NCKAP5: variants seen among roughly 807,000 people sequenced by gnomAD.
NCKAP5 encodes nck-associated protein 5.
In NCKAP5, 92 loss-of-function variants were observed where a neutral mutation model predicts 167.0. The ratio of observed to expected loss-of-function variants is 0.55; its 90% confidence interval spans 0.47 to 0.66. NCKAP5 has a LOEUF of 0.66. Among genes scored for constraint, NCKAP5 ranks in the 30% least tolerant of loss-of-function variants. The pLI is 0.00. For synonymous variants in NCKAP5, 891 were observed against 877.4 expected (o/e 1.02, Z -0.27); for missense variants, 2,378 against 2,315.0 (o/e 1.03, Z -0.56).
At chr2:133,068,599 C>A (rs568622163) in intron 6 of NCKAP5, among the ~76,000 whole-genome samples, 4 of 152,242 alleles carry the variant, frequency 2.6e-5, no homozygotes, top group African/African-American at 9.6e-5. Context: ...AGGGACTCGA[C>A]CTCTGGGTCT....
intron 5 of NCKAP5, among the ~76,000 whole-genome samples, chr2:133,136,294 C>CATTA (rs1431135744): frequency 6.6e-6 from 1 of 152,116 alleles, no homozygotes; most frequent in Non-Finnish European, 1.5e-5. Context: ...TGGTGATTCT[C>CATTA]ATTATATCAG....
intron 6 of NCKAP5, among the ~76,000 whole-genome samples, chr2:133,106,639 T>C (rs1016608720): frequency 6.6e-6 from 1 of 152,176 alleles, no homozygotes; most frequent in East Asian, 1.9e-4. Context: ...CTTCTTCTTC[T>C]TGAATGCTAT....
intron 5 of NCKAP5, among the ~76,000 whole-genome samples, chr2:133,168,289 T>G (rs2149977180): frequency 6.6e-6 from 1 of 151,856 alleles, no homozygotes; most frequent in East Asian, 1.9e-4. Context: ...CATTTTTTTT[T>G]TTTTTTTTTT....
chr2:132,998,889 G>A (rs1328614820), intron 6 of NCKAP5, among the ~76,000 whole-genome samples: 1 of 152,076 alleles, frequency 6.6e-6, no homozygotes, highest in Non-Finnish European at 1.5e-5. Flanking sequence ...ATAGCTGGTT[G>A]CAATTTATCC....
At chr2:133,028,187 AT>A (rs1213981759) in intron 6 of NCKAP5, among the ~76,000 whole-genome samples, 1 of 152,136 alleles carries the variant, frequency 6.6e-6, no homozygotes, top group Non-Finnish European at 1.5e-5. Flanking sequence ...TGTCCTTAAC[AT>A]TTTTTTATTC....
intron 7 of NCKAP5, among the ~76,000 whole-genome samples, chr2:132,969,908 T>G (rs2076782955): frequency 6.6e-6 from 1 of 152,236 alleles, no homozygotes; most frequent in Non-Finnish European, 1.5e-5. Context: ...TTCTTAATCA[T>G]TTAAGATTAA....
chr2:132,976,060 T>G lies in NCKAP5; in HGVS notation c.430-12191A>C, dbSNP rs552723821. The stretch of plus-strand genomic sequence containing the variant: ...AAAATAAATTTAAGCCAATATAAAA[T>G]TTTCTACCCATTTTGTCACAAATGG... On this transcript the variant is annotated intron_variant, in intron 7 of 19. Coordinates refer to ENST00000409261, the MANE Select transcript of NCKAP5 (RefSeq NM_207363.3). Among the ~76,000 whole-genome samples, 87 of 152,238 alleles carry G rather than the reference T, an allele frequency of 5.7e-4. No homozygotes were observed. The South Asian group carries it at 0.012, about 21-fold the overall frequency.
At chr2:133,563,629 A>T (rs1475439538) in intron 1 of NCKAP5, among the ~76,000 whole-genome samples, 2 of 151,362 alleles carry the variant, frequency 1.3e-5, no homozygotes, top group Non-Finnish European at 2.9e-5. Context: ...AAAAATAAAA[A>T]TAGTAAAGGA....
intron 12 of NCKAP5, among the ~76,000 whole-genome samples, chr2:132,791,868 G>A (rs751235258): frequency 3.3e-5 from 5 of 152,144 alleles, no homozygotes; most frequent in Non-Finnish European, 7.3e-5. Flanking sequence ...TACCTATAAT[G>A]CTCAATTCCC....
intron 3 of NCKAP5, among the ~76,000 whole-genome samples, chr2:133,386,398 C>G (rs1244579288): frequency 6.6e-6 from 1 of 152,188 alleles, no homozygotes; most frequent in African/African-American, 2.4e-5. Flanking sequence ...TTTGATTGCA[C>G]TGTGGTCTGA....
intron 6 of NCKAP5, among the ~76,000 whole-genome samples, chr2:133,106,380 G>C (rs185649489): frequency 2.6e-5 from 4 of 151,820 alleles, no homozygotes; most frequent in Non-Finnish European, 5.9e-5. Flanking sequence ...CAGGGGATAC[G>C]TTTTAGTGGG....
the NCKAP5 span, among the ~76,000 whole-genome samples, chr2:133,651,231 T>C: frequency 6.6e-6 from 1 of 152,018 alleles, no homozygotes; most frequent in East Asian, 1.9e-4. Flanking sequence ...TGTAAGAAAA[T>C]ATTTGCAAAT....
intron 6 of NCKAP5, among the ~76,000 whole-genome samples, chr2:133,098,139 G>C (rs75467428): frequency 6.6e-6 from 1 of 152,140 alleles, no homozygotes; most frequent in Non-Finnish European, 1.5e-5. Flanking sequence ...AGATGAAACC[G>C]AAAGTGCCTT....
chr2:133,664,787 C>T, the NCKAP5 span, among the ~76,000 whole-genome samples: 2 of 152,104 alleles, frequency 1.3e-5, no homozygotes, highest in Admixed American at 6.5e-5. Context: ...TGTGAGCCAC[C>T]GCACCCAGCC....
intron 9 of NCKAP5, among the ~76,000 whole-genome samples, chr2:132,877,480 C>T (rs1454718464): frequency 6.6e-6 from 1 of 152,172 alleles, no homozygotes; most frequent in African/African-American, 2.4e-5. Context: ...GGCTTGTTGA[C>T]ACATAGGTCG....
At chr2:132,863,150 T>A (rs1246432758) in intron 10 of NCKAP5, among the ~76,000 whole-genome samples, 1 of 152,168 alleles carries the variant, frequency 6.6e-6, no homozygotes, top group Non-Finnish European at 1.5e-5. Context: ...GAATTCAACC[T>A]CTGTCTGTGT....
chr2:133,340,017 C>T (rs1390351108), intron 3 of NCKAP5, among the ~76,000 whole-genome samples: 1 of 152,182 alleles, frequency 6.6e-6, no homozygotes, highest in Non-Finnish European at 1.5e-5. Context: ...AAGCAAACTT[C>T]CACTCTTGTG....
intron 3 of NCKAP5, among the ~76,000 whole-genome samples, chr2:133,504,301 G>A (rs1486577262): frequency 4.2e-5 from 1 of 23,792 alleles, no homozygotes. Context: ...ACAAGGTTTG[G>A]GGGCCTGAAC....
At chr2:133,002,992 G>A (rs1463827986) in intron 6 of NCKAP5, among the ~76,000 whole-genome samples, 3 of 152,158 alleles carry the variant, frequency 2.0e-5, no homozygotes, top group Non-Finnish European at 2.9e-5. Context: ...ATGCAAGTCC[G>A]CTGGTCAGAT....
Sources: allele counts gnomAD v4.1 joint callset (sites outside exome capture counted in the v4.1 genomes callset), GRCh38; gene constraint gnomAD v4.1.1; transcripts MANE v1.5; gene names NCBI Gene and HGNC (gene_info 2026-07-23, HGNC 2026-07-21).